Variants in RARB observed in about 807,000 individuals in gnomAD.
RARB encodes retinoic acid receptor beta.
Under a neutral mutation model 51.9 loss-of-function variants are expected in RARB, and 17 were observed. That is an observed-to-expected ratio of 0.33 (90% CI 0.22 to 0.49). The LOEUF (loss-of-function observed/expected upper bound fraction) is 0.49. RARB is among the 20% of genes least tolerant of loss of function. RARB has a pLI of 0.99. For synonymous variants in RARB, 215 were observed against 195.4 expected, an observed-to-expected ratio of 1.10 and a Z score of -0.84; for missense variants, 369 against 550.8, an observed-to-expected ratio of 0.67 and a Z score of 3.30.
In RARB at chr3:25,461,248, A is replaced by C. The variant is rs1306511755; in HGVS notation, c.213A>C (p.Pro71=). The change falls in exon 2 of 8, where the codon CCA becomes CCC. Residue 71 remains proline, a synonymous_variant. Transcript: ENST00000330688. ...SEELVPSPPS[P]LPPPRVYKPC... is the part of the protein sequence containing the mutation. ...AACTCGTCCCAAGCCCCCCATCTCC[A>C]CTTCCTCCCCCTCGAGTGTACAAAC... The C allele has an allele frequency of 6.2e-7, 1 of 1,612,888 alleles. No individual in the cohort carries two copies. Among genetic ancestry groups the C allele is most frequent in the African/African-American group, 1.3e-5 (1 of 74,718 alleles).
chr3:25,028,328 A>C (rs989627031), intron 2 of RARB, among the ~76,000 whole-genome samples: 4 of 152,220 alleles, frequency 2.6e-5, no homozygotes. Flanking sequence ...GAAAACAGGC[A>C]GGAGTCAGGC....
intron 5 of RARB, among the ~76,000 whole-genome samples, chr3:25,226,322 C>A (rs1474805518): frequency 1.3e-5 from 2 of 152,164 alleles, no homozygotes; most frequent in Non-Finnish European, 2.9e-5. Flanking sequence ...ATTACAATTA[C>A]TTTAAAATAG....
At chr3:25,366,986 A>G (rs1175299490) in intron 5 of RARB, among the ~76,000 whole-genome samples, 1 of 152,126 alleles carries the variant, frequency 6.6e-6, no homozygotes, top group Non-Finnish European at 1.5e-5. Context: ...TTTGGATTGA[A>G]GAAAGGAGAG....
At chr3:25,191,055 C>T (rs1412054725) in intron 5 of RARB, among the ~76,000 whole-genome samples, 3 of 152,070 alleles carry the variant, frequency 2.0e-5, no homozygotes, top group Non-Finnish European at 4.4e-5. Context: ...TCTGTAAACA[C>T]AAAGTTATTG....
chr3:25,428,139 G>A (rs564339340), upstream of RARB: 76 of 976,632 alleles, frequency 7.8e-5, no homozygotes, highest in East Asian at 2.1e-3. Flanking sequence ...GAGTTTTTAA[G>A]CTCTGTGAGA....
At chr3:25,182,432 A>G (rs1700880681) in intron 5 of RARB, among the ~76,000 whole-genome samples, 1 of 152,190 alleles carries the variant, frequency 6.6e-6, no homozygotes, top group Admixed American at 6.5e-5. Context: ...TGGAAGGCAT[A>G]TGGGGTTAGG....
intron 3 of RARB, among the ~76,000 whole-genome samples, chr3:25,511,046 T>G (rs779880256): frequency 6.6e-6 from 1 of 152,256 alleles, no homozygotes; most frequent in Non-Finnish European, 1.5e-5. Context: ...GCTTCAGAGC[T>G]TCACAATTGA....
At chr3:25,312,456 C>G (rs1257448256) in intron 5 of RARB, among the ~76,000 whole-genome samples, 1 of 152,052 alleles carries the variant, frequency 6.6e-6, no homozygotes, top group Non-Finnish European at 1.5e-5. Context: ...ACTGAAACTT[C>G]AGACCTTCTA....
intron 3 of RARB, among the ~76,000 whole-genome samples, chr3:25,073,977 T>G (rs1051171028): frequency 1.3e-5 from 2 of 152,230 alleles, no homozygotes; most frequent in African/African-American, 4.8e-5. Context: ...AGTCTATGCC[T>G]CAGTACATGA....
At chr3:25,222,952 C>T (rs188826911) in intron 5 of RARB, among the ~76,000 whole-genome samples, 17 of 152,060 alleles carry the variant, frequency 1.1e-4, no homozygotes, top group African/African-American at 2.9e-4. Flanking sequence ...TTTTTTCTAC[C>T]GTTTAATATC....
chr3:24,932,718 T>C (rs995965789), intron 2 of RARB, among the ~76,000 whole-genome samples: 1 of 152,132 alleles, frequency 6.6e-6, no homozygotes, highest in African/African-American at 2.4e-5. Context: ...GGACTGTTAA[T>C]AGAGGTTTTG....
chr3:25,533,221 A>T (rs920395739), intron 3 of RARB, among the ~76,000 whole-genome samples: 1 of 152,222 alleles, frequency 6.6e-6, no homozygotes, highest in Non-Finnish European at 1.5e-5. Flanking sequence ...TTATATAACA[A>T]TAATATTATA....
chr3:24,889,885 A>T (rs2125363087), intron 2 of RARB, among the ~76,000 whole-genome samples: 1 of 150,966 alleles, frequency 6.6e-6, no homozygotes, highest in Non-Finnish European at 1.5e-5. Flanking sequence ...CTAAGAAGTT[A>T]CCTTCAGGAT....
chr3:24,874,928 A>C (rs1006638835), intron 2 of RARB, among the ~76,000 whole-genome samples: 1 of 151,990 alleles, frequency 6.6e-6, no homozygotes, highest in African/African-American at 2.4e-5. Flanking sequence ...CCCTCCTTTT[A>C]GTTGTTACAT....
chr3:24,905,631 C>T (rs1239049585), intron 2 of RARB, among the ~76,000 whole-genome samples: 1 of 152,148 alleles, frequency 6.6e-6, no homozygotes, highest in Non-Finnish European at 1.5e-5. Flanking sequence ...TTGTTTATTG[C>T]CTTTCTTTCC....
intron 5 of RARB, among the ~76,000 whole-genome samples, chr3:25,294,785 T>C (rs1703879549): frequency 1.3e-5 from 2 of 152,130 alleles, no homozygotes; most frequent in South Asian, 2.1e-4. Context: ...TCCTACTGTT[T>C]CTGTAAAAGA....
At chr3:25,435,956 A>G (rs890775529) in intron 1 of RARB, among the ~76,000 whole-genome samples, 2 of 152,220 alleles carry the variant, frequency 1.3e-5, no homozygotes, top group African/African-American at 2.4e-5. Context: ...ATTAATGCCT[A>G]GAAATTGAAA....
At chr3:25,182,597 A>G (rs1465388417) in intron 5 of RARB, among the ~76,000 whole-genome samples, 2 of 152,204 alleles carry the variant, frequency 1.3e-5, no homozygotes, top group Admixed American at 1.3e-4. Flanking sequence ...GTATTGTGTC[A>G]GACACCTCAG....
At chr3:25,344,038 G>A (rs2125452756) in intron 5 of RARB, among the ~76,000 whole-genome samples, 1 of 152,288 alleles carries the variant, frequency 6.6e-6, no homozygotes, top group African/African-American at 2.4e-5. Context: ...AAGAATTTAT[G>A]TCGGCAGAAG....
Sources: allele counts gnomAD v4.1 joint callset (sites outside exome capture counted in the v4.1 genomes callset), GRCh38; gene constraint gnomAD v4.1.1; transcripts MANE v1.5; gene names NCBI Gene and HGNC (gene_info 2026-07-23, HGNC 2026-07-21).